The following ECE1 variants were observed in gnomAD, a reference collection of about 807,000 sequenced individuals.
The protein encoded by ECE1 is endothelin-converting enzyme 1.
ECE1 carries 35 observed loss-of-function variants against 98.6 expected under a neutral mutation model. That is an observed-to-expected ratio of 0.35 (90% confidence interval 0.27 to 0.47). ECE1 has a LOEUF of 0.47. ECE1 is among the 20% of genes least tolerant of loss of function. ECE1 has a pLI of 1.00. For synonymous variants in ECE1, 394 were observed against 407.1 expected, an observed-to-expected ratio of 0.97 and a Z score of 0.39; for missense variants, 814 against 1,025.3, an observed-to-expected ratio of 0.79 and a Z score of 2.81.
intron 13 of ECE1, among the ~76,000 whole-genome samples, chr1:21,234,439 T>A (rs1205228712): frequency 6.6e-6 from 1 of 150,786 alleles, no homozygotes; most frequent in Non-Finnish European, 1.5e-5. Flanking sequence ...GTCAAGGGCA[T>A]CACTGTACAC....
At chr1:21,238,032 G>T in intron 11 of ECE1, 102 bp downstream of exon 11, 1 of 1,058,840 alleles carries the variant, frequency 9.4e-7, no homozygotes, top group Non-Finnish European at 1.5e-6. Context: ...CCCTGCCCAG[G>T]AGCAGGAAAG....
chr1:21,313,587 C>T (rs887654236), intron 1 of ECE1, among the ~76,000 whole-genome samples: 1 of 152,090 alleles, frequency 6.6e-6, no homozygotes, highest in African/African-American at 2.4e-5. Flanking sequence ...GGGCTGAGCA[C>T]CAGGCTCAGA....
intron 8 of ECE1, among the ~76,000 whole-genome samples, chr1:21,250,592 G>A (rs1036859287): frequency 2.0e-5 from 3 of 152,170 alleles, no homozygotes; most frequent in Admixed American, 2.0e-4. Context: ...TCCACATATG[G>A]CCTTCACATG....
At position 21,245,068 on chromosome 1, in the gene ECE1, C is replaced by T. The variant is rs751807839; in HGVS notation, c.1199G>A (p.Arg400Gln). Residue 400 changes from arginine to glutamine, a missense_variant, in exon 10 of 19, where the codon CGG becomes CAG. By Grantham distance (43) the Arg-to-Gln change is conservative. Around this residue, in one of 3 missense-constraint regions of ECE1, gnomAD observed 452 missense variants for 567.3 expected, o/e 0.80. Transcript: ENST00000374893. ...CTGGTCAAGGAAGGAGCTTGTTTTC[C>T]GCACCAGGTTCCAGATCATGTAGTT... ...LNNYMIWNLVRKTSSFLDQRF... is the reference protein window; with the variant it reads ...LNNYMIWNLVQKTSSFLDQRF... 12 of 1,614,060 alleles carry T rather than the reference C, an allele frequency of 7.4e-6. No individual in the cohort carries two copies. Among genetic ancestry groups the T allele is most frequent in the East Asian group, 6.7e-5 (3 of 44,898 alleles).
chr1:21,342,627 C>T lies in ECE1; in HGVS notation c.3+2749G>A, dbSNP rs1007141672. Reference sequence around the variant, plus strand: ...ACAGATACACACACACACACACACACACACACACACACACACACACGCCCT... The same window carrying T: ...ACAGATACACACACACACACACACATACACACACACACACACACACGCCCT... On this transcript the variant is annotated intron_variant, in intron 1 of 18. Coordinates refer to the ECE1 transcript ENST00000415912. Among the ~76,000 whole-genome samples the T allele has an allele frequency of 5.2e-4, 77 of 149,030 alleles. 1 individual carries two copies. In the East Asian group the frequency reaches 5.4e-3, roughly 11 times the overall value.
At position 21,345,210 on chromosome 1, in the gene ECE1, G is replaced by A; in HGVS notation, c.3+166C>T. On this transcript the variant is annotated intron_variant, in intron 1 of 18. Transcript: ENST00000415912. The surrounding 1 kb of genome is among the most constrained non-coding windows in gnomAD (Gnocchi z 5.1). ...GCCGGGAGAGCCGCGCTCTGCCCGG[G>A]CGCTCCCCGACTCCACGCCTTCCGA... 2.1e-6 allele frequency: 2 copies of A among 943,542 alleles called. No homozygotes were observed. Among genetic ancestry groups the A allele is most frequent in the South Asian group, 5.1e-5 (1 of 19,680 alleles). The allele number at this position is 943,542 out of a possible 1,614,324, so 58.4% of individuals were successfully genotyped here.
chr1:21,311,027 C>T (rs1429301763), intron 1 of ECE1, among the ~76,000 whole-genome samples: 3 of 152,226 alleles, frequency 2.0e-5, no homozygotes, highest in Non-Finnish European at 2.9e-5. Flanking sequence ...GCTGGACCTA[C>T]ATTCAAAACC....
In ECE1 at chr1:21,301,649, C is replaced by CA. The variant is rs768152915; in HGVS notation, c.4-11494dup. On this transcript the variant is annotated intron_variant, in intron 1 of 18. Coordinates refer to the ECE1 transcript ENST00000415912. ...GCAACAGGGCAAAAACCCATCTCTA[C>CA]AAAAAAAAAATACAAAAAATTAGCC... Among the ~76,000 whole-genome samples the CA allele has an allele frequency of 2.0e-3, 286 of 144,586 alleles. 2 individuals carry two copies. The East Asian group carries it at 0.028, about 14-fold the overall frequency. 94.9% of individuals were successfully genotyped at this position (144,586 alleles called of 152,430 possible). A position where few individuals can be genotyped will look rare whatever the true frequency, so the allele number is the denominator to read the frequency against.
chr1:21,254,868 G>C (rs1390204499), intron 8 of ECE1, among the ~76,000 whole-genome samples: 2 of 152,154 alleles, frequency 1.3e-5, no homozygotes, highest in African/African-American at 4.8e-5. Context: ...CTGATCGTGG[G>C]CCCTAGCACG....
rs746172139 is a variant in ECE1 at position 21,279,216 on chromosome 1, T to C, written c.255A>G (p.Ala85=). 6.2e-7 allele frequency: 1 copy of C among 1,614,178 alleles called. No individual in the cohort carries two copies. Among genetic ancestry groups the C allele is most frequent in the South Asian group, 1.1e-5 (1 of 91,090 alleles). Residue 85 remains alanine (A), a synonymous_variant, in exon 3 of 19, where the codon GCA becomes GCG. Transcript: ENST00000374893. ...LLAAGLVACL[A]ALGIQYQTRS... ...TTGTCTGGTACTGGATGCCCAGTGC[T>C]GCCAAGCAGGCCACCAGTCCTGCCG...
In ECE1 at chr1:21,307,272, T is replaced by C. The variant is rs373262233; in HGVS notation, c.4-17116A>G. ...GCTCTTCACAGCGACTCTGGGGGGC[T>C]GGAGCTAGCATCTCCACATCATGGG... is the stretch of plus-strand genomic sequence containing the variant. On this transcript the variant is annotated intron_variant, in intron 1 of 18. Coordinates refer to the ECE1 transcript ENST00000415912. This position sits in a 1 kb window ranked among gnomAD's most constrained non-coding sequence, Gnocchi z 4.2. Among the ~76,000 whole-genome samples, 173 of 152,342 alleles carry C rather than the reference T, an allele frequency of 1.1e-3. No individual in the cohort carries two copies. Among genetic ancestry groups the C allele is most frequent in the African/African-American group, 4.0e-3 (168 of 41,594 alleles).
intron 2 of ECE1, among the ~76,000 whole-genome samples, chr1:21,280,243 A>C (rs1461143148): frequency 6.6e-6 from 1 of 152,184 alleles, no homozygotes; most frequent in African/African-American, 2.4e-5. Flanking sequence ...CACACCCACA[A>C]GACAGGAAGG....
intron 8 of ECE1, among the ~76,000 whole-genome samples, chr1:21,255,665 T>C (rs748367811): frequency 6.6e-6 from 1 of 152,218 alleles, no homozygotes; most frequent in Middle Eastern, 3.2e-3. Context: ...GGTGTGGTCA[T>C]GACCCCGAGC....
intron 3 of ECE1, among the ~76,000 whole-genome samples, chr1:21,276,049 T>C (rs2098246679): frequency 6.9e-6 from 1 of 145,942 alleles, no homozygotes; most frequent in Non-Finnish European, 1.5e-5. Context: ...TTTTTTTTTT[T>C]GAGACAGAGT....
chr1:21,273,677 G>A (rs1378664324), intron 3 of ECE1, among the ~76,000 whole-genome samples: 2 of 152,238 alleles, frequency 1.3e-5, no homozygotes, highest in Middle Eastern at 3.4e-3. Flanking sequence ...AAACCCAAAG[G>A]CTACGCCAGG....
At chr1:21,257,127 T>G (rs997042554) in intron 7 of ECE1, among the ~76,000 whole-genome samples, 1 of 152,174 alleles carries the variant, frequency 6.6e-6, no homozygotes, top group South Asian at 2.1e-4. Context: ...TCACTTAGCA[T>G]CTCTGAGCCT....
chr1:21,290,053 G>A lies in ECE1; in HGVS notation c.138+17C>T, dbSNP rs372861114. ...CCCGGGGCGCCTGGACCTCGGGAGG[G>A]AGCGGAGGGCGCCTACCTGCAGGCC... is the stretch of plus-strand genomic sequence containing the variant. On this transcript the variant is annotated intron_variant, in intron 2 of 18. Coordinates refer to ENST00000374893, the MANE Select transcript of ECE1 (RefSeq NM_001397.3). This position sits in a 1 kb window ranked among gnomAD's most constrained non-coding sequence, Gnocchi z 7.3. The A allele has an allele frequency of 6.9e-7, 1 of 1,452,704 alleles. No homozygotes were observed. The highest frequency in any genetic ancestry group is 9.1e-7 in the Non-Finnish European group (1 of 1,093,886). 90.0% of individuals were successfully genotyped at this position (1,452,704 alleles called of 1,614,324 possible). A position where few individuals can be genotyped will look rare whatever the true frequency, so the allele number is the denominator to read the frequency against.
intron 10 of ECE1, among the ~76,000 whole-genome samples, chr1:21,242,583 G>A (rs2098197942): frequency 6.6e-6 from 1 of 152,168 alleles, no homozygotes; most frequent in Non-Finnish European, 1.5e-5. Context: ...TTAAGAAACA[G>A]GTGAGCAGCA....
intron 1 of ECE1, among the ~76,000 whole-genome samples, chr1:21,341,043 C>G (rs1639388231): frequency 6.6e-6 from 1 of 151,872 alleles, no homozygotes; most frequent in South Asian, 2.1e-4. Context: ...CACCCCCCGC[C>G]CCCCAACACT....
Sources: gnomAD v4.1 joint callset for allele counts (sites outside exome capture counted in the v4.1 genomes callset) on GRCh38, gnomAD v4.1.1 for gene constraint, gnomAD v4.1.1 regional missense constraint, Gnocchi (gnomAD v3.1) non-coding constraint, MANE v1.5 for transcripts, NCBI Gene and HGNC (gene_info 2026-07-23, HGNC 2026-07-21) for gene names.